The following MRC2 variants were observed in gnomAD, a reference collection of about 807,000 sequenced individuals.
MRC2 encodes C-type mannose receptor 2.
MRC2 carries 84 observed loss-of-function variants against 206.2 expected under a neutral mutation model. That is an observed-to-expected ratio of 0.41 (90% confidence interval 0.34 to 0.49). The LOEUF is 0.49. Ranked by LOEUF, MRC2 falls within the 20% of genes least tolerant of loss-of-function variation. The pLI is 0.31. For missense variants in MRC2, 1,676 were observed against 2,001.5 expected (o/e 0.84, Z 3.10); for synonymous variants, 798 against 800.0 (o/e 1.00, Z 0.04).
At chr17:62,687,666 A>G (rs1459352550) in intron 20 of MRC2, among the ~76,000 whole-genome samples, 1 of 152,216 alleles carries the variant, frequency 6.6e-6, no homozygotes, top group African/African-American at 2.4e-5. Flanking sequence ...AGATCATTCA[A>G]CAATAGAGAT....
chr17:62,677,360 C>T lies in MRC2; in HGVS notation c.1926C>T (p.Tyr642=), dbSNP rs777769758. The change falls in exon 12 of 30, where the codon TAC becomes TAT. Residue 642 remains tyrosine, a synonymous_variant. Transcript: ENST00000303375. ...VKNCTSFRAR[Y]ICRQSLGTPV... ...ACTGTACCTCGTTCCGGGCCCGCTACATCTGCCGGCAGAGCCTGGGCACTC... is the reference window on the plus strand; with the variant it reads ...ACTGTACCTCGTTCCGGGCCCGCTATATCTGCCGGCAGAGCCTGGGCACTC... 4 of 1,610,084 alleles carry T rather than the reference C, an allele frequency of 2.5e-6. No homozygotes were observed. The highest frequency in any genetic ancestry group is 1.7e-5 in the Admixed American group (1 of 59,546).
intron 9 of MRC2, among the ~76,000 whole-genome samples, chr17:62,674,378 TCCCCAC>T: frequency 6.6e-6 from 1 of 151,850 alleles, no homozygotes; most frequent in Non-Finnish European, 1.5e-5. Flanking sequence ...GAAGCAGAGC[TCCCCAC>T]CCCCAGCCCA....
In MRC2 at chr17:62,652,343, C is replaced by G. The variant is rs1388799364; in HGVS notation, c.119-12205C>G. Among the ~76,000 whole-genome samples, 2 of 152,256 alleles carry G rather than the reference C, an allele frequency of 1.3e-5. No individual in the cohort carries two copies. Among genetic ancestry groups the G allele is most frequent in the African/African-American group, 2.4e-5 (1 of 41,476 alleles). ...TGTGGCTCGGCAGAGGCCTTCCGCA[C>G]CTGCGTTATGGAGTGGTGGCCGCTG... is the stretch of plus-strand genomic sequence containing the variant. On this transcript the variant is annotated intron_variant, in intron 1 of 29. Transcript: ENST00000303375. This position sits in a 1 kb window ranked among gnomAD's most constrained non-coding sequence, Gnocchi z 4.6.
intron 18 of MRC2, 146 bp from the exon 19 acceptor site, chr17:62,681,691 A>G: frequency 1.5e-6 from 1 of 659,984 alleles, no homozygotes; most frequent in Non-Finnish European, 2.6e-6. Flanking sequence ...CCCTGAGCTC[A>G]GTAGCTCCAC....
At chr17:62,627,976 C>A in intron 1 of MRC2, 56 bp downstream of exon 1, 1 of 1,211,482 alleles carries the variant, frequency 8.3e-7, no homozygotes, top group African/African-American at 1.6e-5. Context: ...AGCGCCGAGG[C>A]GCGGGCCGCT....
chr17:62,640,748 G>A (rs1568049955), intron 1 of MRC2, among the ~76,000 whole-genome samples: 1 of 150,748 alleles, frequency 6.6e-6, no homozygotes, highest in Admixed American at 6.6e-5. Flanking sequence ...GCAGTGGCAC[G>A]ATCTCGGCTC....
rs774206521 is a variant in MRC2, at chr17:62,680,200, C to CACG, written c.2341_2343dup (p.Asp781dup). 2 of 1,614,120 alleles carry CACG rather than the reference C, an allele frequency of 1.2e-6. No individual in the cohort carries two copies. The highest frequency in any genetic ancestry group is 4.5e-5 in the East Asian group (2 of 44,868). On this transcript the variant is annotated inframe_insertion, in exon 15 of 30. Transcript: ENST00000303375. The surrounding 1 kb of genome is among the most constrained non-coding windows in gnomAD (Gnocchi z 4.8). ...TTACCACAATTTCGACCGGAGCCGG[C>CACG]ACGACGACGACGACATCCGAGGCTG...
intron 1 of MRC2, among the ~76,000 whole-genome samples, chr17:62,662,571 T>G (rs2088693750): frequency 6.6e-6 from 1 of 152,290 alleles, no homozygotes; most frequent in East Asian, 1.9e-4. Context: ...CATAGAGAGA[T>G]GAAGCACTTT....
rs1040300534 is a variant in MRC2 at position 62,680,356 on chromosome 17, G to A, written c.2437+48G>A. On this transcript the variant is annotated intron_variant, in intron 15 of 29. Coordinates refer to ENST00000303375, the MANE Select transcript of MRC2 (RefSeq NM_006039.5). The surrounding 1 kb of genome is among the most constrained non-coding windows in gnomAD (Gnocchi z 4.8). Reference sequence around the variant, plus strand: ...GACGCGGGATGGAGCGAAGGGTGGCGGGGCCAGGAATTCCAGGGAGGGTCT... The same window carrying A: ...GACGCGGGATGGAGCGAAGGGTGGCAGGGCCAGGAATTCCAGGGAGGGTCT... 4 of 1,613,554 alleles carry A rather than the reference G, an allele frequency of 2.5e-6. No individual in the cohort carries two copies. Among genetic ancestry groups the A allele is most frequent in the African/African-American group, 2.7e-5 (2 of 74,916 alleles).
chr17:62,687,950 A>G (rs961410089), intron 20 of MRC2, among the ~76,000 whole-genome samples: 1 of 152,196 alleles, frequency 6.6e-6, no homozygotes, highest in African/African-American at 2.4e-5. Context: ...ATGTCAGACA[A>G]CATTCGGAAG....
chr17:62,654,308 C>T (rs903880470), intron 1 of MRC2, among the ~76,000 whole-genome samples: 1 of 152,088 alleles, frequency 6.6e-6, no homozygotes, highest in Non-Finnish European at 1.5e-5. Context: ...GCGTTCCTGC[C>T]TGCAGCCTTT....
chr17:62,648,684 G>A (rs1467057658), intron 1 of MRC2, among the ~76,000 whole-genome samples: 2 of 152,212 alleles, frequency 1.3e-5, no homozygotes, highest in African/African-American at 4.8e-5. Flanking sequence ...GTGGTGGCAA[G>A]GGACTGGGCA....
chr17:62,673,479 T>C (rs1276592377), intron 8 of MRC2, among the ~76,000 whole-genome samples: 1 of 151,428 alleles, frequency 6.6e-6, no homozygotes, highest in African/African-American at 2.4e-5. Context: ...ATAAAACGAG[T>C]TATCAATAAT....
intron 6 of MRC2, among the ~76,000 whole-genome samples, chr17:62,669,155 C>G (rs1359526585): frequency 1.3e-5 from 2 of 151,652 alleles, no homozygotes; most frequent in African/African-American, 4.9e-5. Flanking sequence ...AAAGAGTTTA[C>G]AGAGCAAAAC....
At chr17:62,642,390 T>A (rs1283832574) in intron 1 of MRC2, among the ~76,000 whole-genome samples, 1 of 152,212 alleles carries the variant, frequency 6.6e-6, no homozygotes, top group Non-Finnish European at 1.5e-5. Flanking sequence ...TTTGTTCCCT[T>A]ACGCTAACTT....
At chr17:62,659,718 AAG>A (rs2088659408) in intron 1 of MRC2, among the ~76,000 whole-genome samples, 1 of 152,132 alleles carries the variant, frequency 6.6e-6, no homozygotes, top group Non-Finnish European at 1.5e-5. Context: ...AACCCCATCC[AAG>A]TGCTGTTAGA....
chr17:62,633,912 G>A (rs1179029386), intron 1 of MRC2, among the ~76,000 whole-genome samples: 1 of 142,442 alleles, frequency 7.0e-6, no homozygotes, highest in Non-Finnish European at 1.5e-5. Flanking sequence ...CAGAAAGGAG[G>A]TCCAATCCAG....
intron 8 of MRC2, 42 bp from the exon 9 acceptor site, chr17:62,674,021 G>A (rs2088858792): frequency 2.8e-6 from 4 of 1,430,692 alleles, no homozygotes; most frequent in East Asian, 2.5e-5. Flanking sequence ...GAGATTTATG[G>A]GGAGGTGGGG....
At chr17:62,690,483 C>T (rs1319654919) in intron 26 of MRC2, among the ~76,000 whole-genome samples, 159 bp from the exon 27 acceptor site, 1 of 152,182 alleles carries the variant, frequency 6.6e-6, no homozygotes, top group Non-Finnish European at 1.5e-5. Context: ...ATATGCTGCC[C>T]CCCCACACAC....
Sources: gnomAD v4.1 joint callset for allele counts (sites outside exome capture counted in the v4.1 genomes callset) on GRCh38, gnomAD v4.1.1 for gene constraint, Gnocchi (gnomAD v3.1) non-coding constraint, MANE v1.5 for transcripts, NCBI Gene and HGNC (gene_info 2026-07-23, HGNC 2026-07-21) for gene names.